The following PICK1 variants were observed in gnomAD, a reference collection of about 807,000 sequenced individuals.
PICK1 encodes the protein protein interacting with PRKCA 1.
In PICK1, 23 loss-of-function variants were observed where a neutral mutation model predicts 48.9. That is an observed-to-expected ratio of 0.47 (90% CI 0.34 to 0.67). The LOEUF (loss-of-function observed/expected upper bound fraction) is 0.67, where lower values mean the gene tolerates loss of function less well. Among genes scored for constraint, PICK1 ranks in the 30% least tolerant of loss-of-function variants. PICK1 has a pLI of 0.01. For synonymous variants in PICK1, 217 were observed against 228.2 expected, an observed-to-expected ratio of 0.95 and a Z score of 0.44; for missense variants, 423 against 557.1, an observed-to-expected ratio of 0.76 and a Z score of 2.42.
In PICK1 at chr22:38,073,079, A is replaced by T; in HGVS notation, c.770A>T (p.Lys257Met). 6.2e-7 allele frequency: 1 copy of T among 1,611,010 alleles called. No individual in the cohort carries two copies. The highest frequency in any genetic ancestry group is 8.5e-7 in the Non-Finnish European group (1 of 1,177,270). ...ACCATCAAGAAGTACCTGGACGTGA[A>T]GTTTGAGTACCTGGTGAGTAGTCCA... ...RLTIKKYLDV[K>M]FEYLSYCLKV... Residue 257 changes from lysine (K) to methionine (M), a missense_variant, in exon 10 of 13, where the codon AAG (lysine) becomes ATG (methionine). By Grantham distance (95) the Lys-to-Met change is moderately conservative. This residue lies in a region of PICK1 where 279 missense variants were observed against 417.8 expected (regional missense o/e 0.67). Transcript: ENST00000356976. This position sits in a 1 kb window ranked among gnomAD's most constrained non-coding sequence, Gnocchi z 5.7.
intron 2 of PICK1, chr22:38,058,133 G>A: frequency 2.0e-6 from 1 of 507,526 alleles, no homozygotes; most frequent in Non-Finnish European, 3.6e-6. Flanking sequence ...GTCAAGGAAA[G>A]CTTCATGGAG....
At position 38,074,404 on chromosome 22, in the gene PICK1, T is replaced by G. The variant is rs1286627775; in HGVS notation, c.932T>G (p.Met311Arg). 6.2e-7 allele frequency: 1 copy of G among 1,612,916 alleles called. No homozygotes were observed. The highest frequency in any genetic ancestry group is 1.7e-5 in the Admixed American group (1 of 60,024). ...GAGGCGCGCGCCCGCTTCTCCCAGA[T>G]GCGCAAGGATGTGCTGGAGAAGATG... ...RQEARARFSQ[M>R]RKDVLEKMEL... Residue 311 changes from methionine to arginine, a missense_variant, in exon 12 of 13, where the codon ATG becomes AGG. Physicochemically the swap from Met to Arg is moderately conservative, Grantham distance 91. This residue lies in a region of PICK1 where 144 missense variants were observed against 139.3 expected (regional missense o/e 1.03). Coordinates refer to ENST00000356976, the MANE Select transcript of PICK1 (RefSeq NM_012407.4). This position sits in a 1 kb window ranked among gnomAD's most constrained non-coding sequence, Gnocchi z 4.5.
At chr22:38,061,198 A>G (rs2085392197) in intron 3 of PICK1, among the ~76,000 whole-genome samples, 1 of 152,032 alleles carries the variant, frequency 6.6e-6, no homozygotes, top group Non-Finnish European at 1.5e-5. Context: ...AAAATTAGCC[A>G]GGCATGATGG....
Position 38,075,434 on chromosome 22 carries a change from A to C in PICK1, c.*302A>C. ...GAGAGGGAGGGCAGGAAGGAAAAGA[A>C]AGGACTTGGAGGTGGCAGGAGTCCG... On this transcript the variant is annotated 3_prime_UTR_variant, in exon 13 of 13. Coordinates refer to ENST00000356976, the MANE Select transcript of PICK1 (RefSeq NM_012407.4). The C allele has an allele frequency of 5.4e-6, 2 of 371,334 alleles. No homozygotes were observed. Among genetic ancestry groups the C allele is most frequent in the Non-Finnish European group, 9.9e-6 (2 of 202,450 alleles). The allele number at this position is 371,334 out of a possible 1,614,324, so 23.0% of individuals were successfully genotyped here.
chr22:38,064,109 G>A (rs1015902613), intron 3 of PICK1, among the ~76,000 whole-genome samples: 7 of 152,064 alleles, frequency 4.6e-5, no homozygotes, highest in Non-Finnish European at 5.9e-5. Context: ...TCAGGCTGGA[G>A]TGCAGTGACA....
chr22:38,071,838 C>G, intron 8 of PICK1, 94 bp downstream of exon 8: 1 of 1,037,362 alleles, frequency 9.6e-7, no homozygotes, highest in Non-Finnish European at 1.5e-6. Flanking sequence ...CAGCGCCTGA[C>G]CTCAGGCTCC....
chr22:38,074,292 CCA>C lies in PICK1; in HGVS notation c.835-13_835-12del. ...CCGTCCCTGAGCAGGCACTCCTGTCCCACCCCCGCCCCAGGCCCTAGGCGAGC... is the reference window on the plus strand; with the variant it reads ...CCGTCCCTGAGCAGGCACTCCTGTCCCCCCCGCCCCAGGCCCTAGGCGAGC... On this transcript the variant is annotated splice_polypyrimidine_tract_variant and intron_variant, in intron 11 of 12. Transcript: ENST00000356976. This position sits in a 1 kb window ranked among gnomAD's most constrained non-coding sequence, Gnocchi z 4.5. 6.2e-7 allele frequency: 1 copy of C among 1,605,146 alleles called. No individual in the cohort carries two copies. The highest frequency in any genetic ancestry group is 8.5e-7 in the Non-Finnish European group (1 of 1,173,202).
Position 38,074,098 on chromosome 22 carries a change from G to A in PICK1, c.835-209G>A, listed in dbSNP as rs1430102867. The A allele has an allele frequency of 3.1e-6, 2 of 645,532 alleles. No homozygotes were observed. Among genetic ancestry groups the A allele is most frequent in the African/African-American group, 3.7e-5 (2 of 54,730 alleles). The allele number at this position is 645,532 out of a possible 1,614,324, so 40.0% of individuals were successfully genotyped here. ...TTAAGTGTTTGATTTTTCTGCTGTC[G>A]GGATCCATTTCGTGGCCAGTGTTCA... On this transcript the variant is annotated intron_variant, in intron 11 of 12. Transcript: ENST00000356976. The surrounding 1 kb of genome is among the most constrained non-coding windows in gnomAD (Gnocchi z 4.5).
At chr22:38,060,504 ATC>A (rs1437223632) in intron 3 of PICK1, among the ~76,000 whole-genome samples, 1 of 152,088 alleles carries the variant, frequency 6.6e-6, no homozygotes, top group Non-Finnish European at 1.5e-5. Context: ...CTCTGTGAGG[ATC>A]TTGCTCAGGA....
rs544242469 is a variant in PICK1 at position 38,059,189 on chromosome 22, C to T, written c.42-45C>T. Reference sequence around the variant, plus strand: ...TTTTAGAGGGCCCACCCGCTCCAGTCATCCTTCTGCCAGGAGAGTCAGCCT... The same window carrying T: ...TTTTAGAGGGCCCACCCGCTCCAGTTATCCTTCTGCCAGGAGAGTCAGCCT... On this transcript the variant is annotated intron_variant, in intron 2 of 12. Coordinates refer to ENST00000356976, the MANE Select transcript of PICK1 (RefSeq NM_012407.4). 42 of 1,433,570 alleles carry T rather than the reference C, an allele frequency of 2.9e-5. No individual in the cohort carries two copies. In the Middle Eastern group the frequency reaches 7.5e-4, roughly 26 times the overall value. 88.8% of individuals were successfully genotyped at this position (1,433,570 alleles called of 1,614,324 possible). A position where few individuals can be genotyped will look rare whatever the true frequency, so the allele number is the denominator to read the frequency against.
In PICK1 at chr22:38,075,270, G is replaced by C. The variant is rs938613885; in HGVS notation, c.*138G>C. 1.2e-6 allele frequency: 1 copy of C among 836,326 alleles called. No individual in the cohort carries two copies. Among genetic ancestry groups the C allele is most frequent in the Admixed American group, 2.9e-5 (1 of 34,678 alleles). The allele number at this position is 836,326 out of a possible 1,614,324, so 51.8% of individuals were successfully genotyped here. Reference sequence around the variant, plus strand: ...CCTGCCTCCCTGCTCCTCTGTCCTCGCACAGCGAACCTGGGCTCCTGCCCA... The same window carrying C: ...CCTGCCTCCCTGCTCCTCTGTCCTCCCACAGCGAACCTGGGCTCCTGCCCA... On this transcript the variant is annotated 3_prime_UTR_variant, in exon 13 of 13. Coordinates refer to ENST00000356976, the MANE Select transcript of PICK1 (RefSeq NM_012407.4).
rs368992632 is a variant in PICK1 at position 38,062,340 on chromosome 22, C to T, written c.154-2662C>T. Reference sequence around the variant, plus strand: ...TTGGCTCACTGCAACCTCCAGCCCCCGGGTTCAAGTGATTCCCCTGCCTCA... The same window carrying T: ...TTGGCTCACTGCAACCTCCAGCCCCTGGGTTCAAGTGATTCCCCTGCCTCA... On this transcript the variant is annotated intron_variant, in intron 3 of 12. Transcript: ENST00000356976. Among the ~76,000 whole-genome samples the T allele has an allele frequency of 9.9e-5, 15 of 151,572 alleles. 1 individual carries two copies. In the South Asian group the frequency reaches 1.5e-3, roughly 15 times the overall value.
intron 8 of PICK1, 124 bp from the exon 9 acceptor site, chr22:38,072,353 T>C: frequency 8.8e-7 from 1 of 1,136,802 alleles, no homozygotes; most frequent in South Asian, 1.5e-5. Flanking sequence ...CTTGGAGGTG[T>C]AGCCCCTGTG....
chr22:38,065,697 C>G (rs949174500), intron 4 of PICK1, among the ~76,000 whole-genome samples: 1 of 152,226 alleles, frequency 6.6e-6, no homozygotes, highest in African/African-American at 2.4e-5. Flanking sequence ...CTTTCCCCCA[C>G]CCCTGCCGCT....
chr22:38,065,843 C>T (rs1215428930), intron 4 of PICK1, among the ~76,000 whole-genome samples: 5 of 152,126 alleles, frequency 3.3e-5, no homozygotes, highest in Non-Finnish European at 5.9e-5. Flanking sequence ...GCAGGCAGTG[C>T]ACAGCCATGG....
At chr22:38,069,436 A>G (rs2085619827) in intron 6 of PICK1, among the ~76,000 whole-genome samples, 2 of 151,746 alleles carry the variant, frequency 1.3e-5, no homozygotes, top group African/African-American at 2.4e-5. Context: ...CTCGCGGCCC[A>G]CCTCCTGCCT....
chr22:38,069,502 G>A, intron 6 of PICK1, among the ~76,000 whole-genome samples: 1 of 152,234 alleles, frequency 6.6e-6, no homozygotes, highest in East Asian at 1.9e-4. Flanking sequence ...TCCCTTCGTG[G>A]TGGCTGCGCA....
intron 3 of PICK1, among the ~76,000 whole-genome samples, chr22:38,060,445 T>G (rs1238163855): frequency 1.3e-5 from 2 of 152,180 alleles, no homozygotes; most frequent in Non-Finnish European, 1.5e-5. Flanking sequence ...GCTGTAGCCT[T>G]GGGAATACCT....
At chr22:38,064,483 CG>C (rs1234045039) in intron 3 of PICK1, among the ~76,000 whole-genome samples, 2 of 152,050 alleles carry the variant, frequency 1.3e-5, no homozygotes, top group African/African-American at 2.4e-5. Flanking sequence ...TTGATGCCGC[CG>C]GGCACGGTGG....
Sources: gnomAD v4.1 joint callset for allele counts (sites outside exome capture counted in the v4.1 genomes callset) on GRCh38, gnomAD v4.1.1 for gene constraint, gnomAD v4.1.1 regional missense constraint, Gnocchi (gnomAD v3.1) non-coding constraint, MANE v1.5 for transcripts, NCBI Gene and HGNC (gene_info 2026-07-23, HGNC 2026-07-21) for gene names.